The following PRDM16 variants were observed in gnomAD, a reference collection of about 807,000 sequenced individuals.
The protein encoded by PRDM16 is histone-lysine N-methyltransferase PRDM16.
PRDM16 carries 23 observed loss-of-function variants against 110.6 expected under a neutral mutation model. The observed-to-expected ratio is 0.21, with a 90% CI of 0.15 to 0.29. The LOEUF (loss-of-function observed/expected upper bound fraction) is 0.29. PRDM16 is among the 10% of genes least tolerant of loss of function. PRDM16 has a pLI of 1.00. For synonymous variants in PRDM16, 799 were observed against 781.8 expected, an observed-to-expected ratio of 1.02 and a Z score of -0.37; for missense variants, 1,615 against 1,794.3, an observed-to-expected ratio of 0.90 and a Z score of 1.81.
rs561383056 is a variant in PRDM16 at position 3,243,660 on chromosome 1, C to T, written c.388-427C>T. Reference sequence around the variant, plus strand: ...ACGTCTAAATACACGTGGTGTGATTCGCCGGCGGAACTTGGAGGAAACACA... The same window carrying T: ...ACGTCTAAATACACGTGGTGTGATTTGCCGGCGGAACTTGGAGGAAACACA... On this transcript the variant is annotated intron_variant, in intron 2 of 16. Transcript: ENST00000270722. This position sits in a 1 kb window ranked among gnomAD's most constrained non-coding sequence, Gnocchi z 5.5. 3.3e-5 allele frequency among the ~76,000 whole-genome samples: 5 copies of T among 152,358 alleles called. No homozygotes were observed. The highest frequency in any genetic ancestry group is 1.9e-4 in the East Asian group (1 of 5,188).
chr1:3,131,404 G>A (rs1643332781), intron 1 of PRDM16, among the ~76,000 whole-genome samples: 1 of 152,100 alleles, frequency 6.6e-6, no homozygotes, highest in East Asian at 1.9e-4. Context: ...ATGTGAGGCG[G>A]CTGTCCATTT....
chr1:3,371,622 G>T (rs566100913), intron 3 of PRDM16, among the ~76,000 whole-genome samples: 1 of 152,258 alleles, frequency 6.6e-6, no homozygotes, highest in East Asian at 1.9e-4. Context: ...GAAACATTCA[G>T]TGAGCCCTGA....
At chr1:3,192,444 C>T (rs548320452) in intron 2 of PRDM16, among the ~76,000 whole-genome samples, 1 of 152,186 alleles carries the variant, frequency 6.6e-6, no homozygotes, top group African/African-American at 2.4e-5. Context: ...ATCCAGACCT[C>T]ATGCTCTGGC....
At chr1:3,154,193 C>T (rs1483179074) in intron 1 of PRDM16, among the ~76,000 whole-genome samples, 2 of 152,072 alleles carry the variant, frequency 1.3e-5, no homozygotes, top group African/African-American at 2.4e-5. Flanking sequence ...TGTGACAAGT[C>T]GTTAGGATCT....
intron 8 of PRDM16, among the ~76,000 whole-genome samples, chr1:3,408,795 C>T (rs867305838): frequency 0.011 from 1,441 of 133,356 alleles, 31 homozygotes; most frequent in African/African-American, 0.038. Context: ...TGAGCCGGTG[C>T]GTGTGTGTGA....
In PRDM16 at chr1:3,086,232, G is replaced by A. The variant is rs1454620679; in HGVS notation, c.37+16936G>A. Among the ~76,000 whole-genome samples the A allele has an allele frequency of 2.6e-5, 4 of 152,102 alleles. No individual in the cohort carries two copies. In the East Asian group the frequency reaches 7.7e-4, roughly 29 times the overall value. On this transcript the variant is annotated intron_variant, in intron 1 of 16. Coordinates refer to ENST00000270722, the MANE Select transcript of PRDM16 (RefSeq NM_022114.4). ...TGCGTGAGGCCTTAAAAACCATAAG[G>A]TGCTTGCCTGGCTGTGACAGCCAGG... is the stretch of plus-strand genomic sequence containing the variant.
chr1:3,205,129 G>A (rs1270816410), intron 2 of PRDM16, among the ~76,000 whole-genome samples: 19 of 151,868 alleles, frequency 1.3e-4, no homozygotes, highest in East Asian at 1.9e-4. Context: ...TGGTGGGGGC[G>A]GGGCTGCTCT....
chr1:3,338,306 G>A (rs1030792659), intron 3 of PRDM16, among the ~76,000 whole-genome samples: 19 of 152,244 alleles, frequency 1.2e-4, no homozygotes, highest in African/African-American at 4.3e-4. Context: ...GAGAAGCCCC[G>A]TGGGGAACAG....
At position 3,165,874 on chromosome 1, in the gene PRDM16, A is replaced by T. The variant is rs78749930; in HGVS notation, c.38-20251A>T. Among the ~76,000 whole-genome samples the T allele has an allele frequency of 3.5e-3, 55 of 15,592 alleles. 1 individual carries two copies. Among genetic ancestry groups the T allele is most frequent in the South Asian group, 0.016 (4 of 256 alleles). The allele number at this position is 15,592 out of a possible 152,430, so 10.2% of individuals were successfully genotyped here. ...CAGGGCTCAGGGACAGGGACTCACC[A>T]GGGCTCAGGCACAGGGACTCACCTG... On this transcript the variant is annotated intron_variant, in intron 1 of 16. Coordinates refer to ENST00000270722, the MANE Select transcript of PRDM16 (RefSeq NM_022114.4).
chr1:3,159,424 C>T (rs1348673589), intron 1 of PRDM16, among the ~76,000 whole-genome samples: 7 of 152,250 alleles, frequency 4.6e-5, no homozygotes, highest in Non-Finnish European at 1.0e-4. Flanking sequence ...CTCCTTGGCT[C>T]ATAGATGGCA....
intron 1 of PRDM16, among the ~76,000 whole-genome samples, chr1:3,077,631 G>A (rs1641929664): frequency 6.6e-6 from 1 of 152,188 alleles, no homozygotes; most frequent in Non-Finnish European, 1.5e-5. Context: ...AATCAGCCAG[G>A]CAGTCAGATG....
rs1443279058 is a variant in PRDM16, at chr1:3,265,704, A to G, written c.438+21567A>G. Among the ~76,000 whole-genome samples, 2 of 151,994 alleles carry G rather than the reference A, an allele frequency of 1.3e-5. No individual in the cohort carries two copies. ...CTGGGTTTGTCCTGGGAAGGTGAGG[A>G]TGGGAGCTGACTGTGGTTAATCAGG... On this transcript the variant is annotated intron_variant, in intron 3 of 16. Coordinates refer to ENST00000270722, the MANE Select transcript of PRDM16 (RefSeq NM_022114.4). This position sits in a 1 kb window ranked among gnomAD's most constrained non-coding sequence, Gnocchi z 4.5.
intron 1 of PRDM16, among the ~76,000 whole-genome samples, chr1:3,123,529 C>G (rs1643140992): frequency 6.6e-6 from 1 of 152,246 alleles, no homozygotes; most frequent in Admixed American, 6.5e-5. Context: ...CTGGTTCACC[C>G]TTTCAGCACA....
In PRDM16 at chr1:3,428,574, G is replaced by A. The variant is rs536331424; in HGVS notation, c.3285-2298G>A. 1.5e-3 allele frequency among the ~76,000 whole-genome samples: 221 copies of A among 152,328 alleles called. 2 individuals carry two copies. The highest frequency in any genetic ancestry group is 3.4e-3 in the Middle Eastern group (1 of 294). ...CTGGCCTGGTCCTGAGAGCCCCTGC[G>A]TCACTGACGAAAATGAGAACAGGGC... On this transcript the variant is annotated intron_variant, in intron 14 of 16. Transcript: ENST00000270722.
At chr1:3,200,880 A>G (rs4483351) in intron 2 of PRDM16, among the ~76,000 whole-genome samples, 8,035 of 152,000 alleles carry the variant, frequency 0.053, 603 homozygotes, top group African/African-American at 0.17. Flanking sequence ...ACGGGCACAG[A>G]AGACGAGGAC....
intron 1 of PRDM16, among the ~76,000 whole-genome samples, chr1:3,084,405 G>A (rs537092072): frequency 3.3e-5 from 5 of 152,334 alleles, no homozygotes; most frequent in African/African-American, 9.6e-5. Flanking sequence ...CTCGGCGGCC[G>A]GAGAGAGCCT....
At chr1:3,318,992 C>T (rs12043519) in intron 3 of PRDM16, among the ~76,000 whole-genome samples, 3,933 of 152,280 alleles carry the variant, frequency 0.026, 298 homozygotes, top group East Asian at 0.24. Context: ...ACAAACATGG[C>T]GTGACATTTA....
chr1:3,389,969 C>T (rs1192273324), intron 4 of PRDM16, among the ~76,000 whole-genome samples: 1 of 144,968 alleles, frequency 6.9e-6, no homozygotes, highest in African/African-American at 2.5e-5. Flanking sequence ...CCCCCCCACC[C>T]TCTGGCTCCT....
At chr1:3,117,746 G>A (rs1014176888) in intron 1 of PRDM16, among the ~76,000 whole-genome samples, 2 of 152,232 alleles carry the variant, frequency 1.3e-5, no homozygotes, top group East Asian at 3.9e-4. Flanking sequence ...ACAGGCCCGG[G>A]CCCGCCTTGT....
Sources: gnomAD v4.1 joint callset for allele counts (sites outside exome capture counted in the v4.1 genomes callset) on GRCh38, gnomAD v4.1.1 for gene constraint, Gnocchi (gnomAD v3.1) non-coding constraint, MANE v1.5 for transcripts, NCBI Gene and HGNC (gene_info 2026-07-23, HGNC 2026-07-21) for gene names.